Variants in RIF1 observed in about 807,000 individuals in gnomAD.
The protein encoded by RIF1 is replication timing regulatory factor 1.
Under a neutral mutation model 247.1 loss-of-function variants are expected in RIF1, and 45 were observed. That is an observed-to-expected ratio of 0.18 (90% CI 0.14 to 0.23). The LOEUF (loss-of-function observed/expected upper bound fraction) is 0.23, where lower values mean the gene tolerates loss of function less well. RIF1 is among the 10% of genes least tolerant of loss of function. The pLI is 1.00. For synonymous variants in RIF1, 1,087 were observed against 978.8 expected, an observed-to-expected ratio of 1.11 and a Z score of -2.06; for missense variants, 2,967 against 2,862.5, an observed-to-expected ratio of 1.04 and a Z score of -0.83.
intron 21 of RIF1, among the ~76,000 whole-genome samples, chr2:151,453,941 G>A (rs1215040525): frequency 6.6e-6 from 1 of 152,068 alleles, no homozygotes; most frequent in Non-Finnish European, 1.5e-5. Flanking sequence ...TGAGAAACCT[G>A]GTTTTCATTA....
At chr2:151,417,649 C>T (rs1257516477) in intron 6 of RIF1, among the ~76,000 whole-genome samples, 3 of 152,160 alleles carry the variant, frequency 2.0e-5, no homozygotes, top group South Asian at 2.1e-4. Context: ...CAACTACTTA[C>T]TTAGCACTTA....
Position 151,464,420 on chromosome 2 carries a change from A to G in RIF1, c.4900A>G (p.Thr1634Ala), listed in dbSNP as rs1386912104. The G allele has an allele frequency of 3.1e-6, 5 of 1,613,476 alleles. No homozygotes were observed. In the African/African-American group the frequency reaches 5.3e-5, roughly 17 times the overall value. ...ESNTVICQDS[T>A]VTSDLLQVPD... ...TAATACTGTAATATGTCAGGATTCT[A>G]CAGTAACTTCAGATTTGTTGCAAGT... The change falls in exon 30 of 36, where the codon ACA becomes GCA. Residue 1634 changes from threonine to alanine, a missense_variant. By Grantham distance (58) the Thr-to-Ala change is moderately conservative. Coordinates refer to ENST00000444746, the MANE Select transcript of RIF1 (RefSeq NM_018151.5).
Position 151,477,939 on chromosome 2 carries a change from AC to A in RIF1, c.*2870del, listed in dbSNP as rs1349685571. ...CAGCCAGGCTGGTCTCAAACTTCTG[AC>A]CTCAGATATCCACCTGCCTCAGCCT... is the stretch of plus-strand genomic sequence containing the variant. On this transcript the variant is annotated 3_prime_UTR_variant, in exon 36 of 36. Transcript: ENST00000444746. The A allele has an allele frequency of 6.6e-6, 1 of 150,526 alleles. No individual in the cohort carries two copies. Among genetic ancestry groups the A allele is most frequent in the African/African-American group, 2.5e-5 (1 of 40,712 alleles). The allele number at this position is 150,526 out of a possible 1,614,324, so 9.3% of individuals were successfully genotyped here. A position where few individuals can be genotyped will look rare whatever the true frequency, so the allele number is the denominator to read the frequency against.
chr2:151,518,338 C>T, the RIF1 span: 1 of 1,607,788 alleles, frequency 6.2e-7, no homozygotes, highest in Non-Finnish European at 8.5e-7. Flanking sequence ...AATTCTGTGG[C>T]CTCTTTTAGG....
intron 13 of RIF1, among the ~76,000 whole-genome samples, chr2:151,437,673 A>G (rs1241554621): frequency 1.3e-5 from 2 of 152,238 alleles, no homozygotes; most frequent in African/African-American, 4.8e-5. Flanking sequence ...CCTGGGTGAT[A>G]GAGCAAGACT....
chr2:151,410,372 C>A, intron 1 of RIF1, 42 bp from the exon 2 acceptor site: 2 of 1,528,446 alleles, frequency 1.3e-6, no homozygotes, highest in Non-Finnish European at 1.8e-6. Flanking sequence ...GGGCTGTTTC[C>A]ATCGGTCACT....
intron 13 of RIF1, among the ~76,000 whole-genome samples, chr2:151,506,706 G>GTTGT (rs1475995249): frequency 6.6e-6 from 1 of 152,168 alleles, no homozygotes; most frequent in African/African-American, 2.4e-5. Context: ...TAAAAGTTAC[G>GTTGT]TTGTTAGCAG....
At chr2:151,483,757 A>G (rs1160535854), downstream of RIF1, among the ~76,000 whole-genome samples, 1 of 152,174 alleles carries the variant, frequency 6.6e-6, no homozygotes, top group South Asian at 2.1e-4. Context: ...CAGGAGGTCG[A>G]GTGGCCGGTG....
At chr2:151,500,782 A>G (rs1176547832) in intron 11 of RIF1, among the ~76,000 whole-genome samples, 3 of 151,926 alleles carry the variant, frequency 2.0e-5, no homozygotes, top group Non-Finnish European at 4.4e-5. Context: ...TATTTTTAGC[A>G]GAGATGGAAT....
chr2:151,485,634 A>G, downstream of RIF1: 4 of 903,768 alleles, frequency 4.4e-6, no homozygotes, highest in East Asian at 2.5e-5. Flanking sequence ...TGGTACTACC[A>G]TAAATCACAT....
intron 8 of RIF1, among the ~76,000 whole-genome samples, chr2:151,425,049 A>G (rs1051356493): frequency 2.0e-5 from 3 of 151,880 alleles, no homozygotes; most frequent in Non-Finnish European, 4.4e-5. Context: ...TTCCGCTTCC[A>G]TAATATCCTC....
At chr2:151,433,899 C>T (rs938824173) in intron 10 of RIF1, among the ~76,000 whole-genome samples, 2 of 151,950 alleles carry the variant, frequency 1.3e-5, no homozygotes, top group African/African-American at 2.4e-5. Flanking sequence ...CAGCCGGGCG[C>T]GGTGACTCAT....
chr2:151,440,682 C>T (rs1032168224), intron 15 of RIF1, among the ~76,000 whole-genome samples: 4 of 152,126 alleles, frequency 2.6e-5, no homozygotes, highest in Non-Finnish European at 4.4e-5. Flanking sequence ...TGTTCTGTAG[C>T]AGTATAGCAT....
intron 13 of RIF1, among the ~76,000 whole-genome samples, chr2:151,507,535 G>T (rs1003459748): frequency 2.6e-5 from 4 of 152,166 alleles, no homozygotes; most frequent in African/African-American, 7.2e-5. Flanking sequence ...AGAGATACTA[G>T]GAGAATCTGA....
At chr2:151,499,252 T>C (rs961178723) in intron 10 of RIF1, 1 of 1,051,022 alleles carries the variant, frequency 9.5e-7, no homozygotes, top group African/African-American at 1.6e-5. Flanking sequence ...TTAATCTTTT[T>C]AAACATTTTT....
intron 34 of RIF1, among the ~76,000 whole-genome samples, chr2:151,472,605 C>T (rs185316727): frequency 6.7e-4 from 102 of 152,232 alleles, no homozygotes; most frequent in African/African-American, 2.3e-3. Context: ...TGTCAAAGGC[C>T]TTTTCTGCAT....
intron 20 of RIF1, among the ~76,000 whole-genome samples, chr2:151,450,594 C>T (rs1054270558): frequency 2.0e-4 from 29 of 146,560 alleles, no homozygotes; most frequent in Non-Finnish European, 3.2e-4. Flanking sequence ...ATAATTCTTT[C>T]TTTTTTTTTT....
At chr2:151,424,842 TTTTTTTTTTTTTTTC>T (rs1480297875) in intron 8 of RIF1, among the ~76,000 whole-genome samples, 2 of 142,200 alleles carry the variant, frequency 1.4e-5, no homozygotes, top group South Asian at 2.4e-4. Context: ...TTTTTTTTTT[TTTTTTTTTTTTTTTC>T]CATATTTTTT....
Position 151,445,334 on chromosome 2 carries a change from T to A in RIF1, c.1987-4T>A. 6.6e-7 allele frequency: 1 copy of A among 1,507,092 alleles called. No homozygotes were observed. The highest frequency in any genetic ancestry group is 2.3e-5 in the East Asian group (1 of 44,328). The allele number at this position is 1,507,092 out of a possible 1,614,324, so 93.4% of individuals were successfully genotyped here. A position where few individuals can be genotyped will look rare whatever the true frequency, so the allele number is the denominator to read the frequency against. Reference sequence around the variant, plus strand: ...GTCTAACTTCATTATTTTTCTTGTTTTAGACCAATGAAGTAAATCAAGGTG... The same window carrying A: ...GTCTAACTTCATTATTTTTCTTGTTATAGACCAATGAAGTAAATCAAGGTG... On this transcript the variant is annotated splice_region_variant and splice_polypyrimidine_tract_variant and intron_variant, in intron 18 of 35. Coordinates refer to ENST00000444746, the MANE Select transcript of RIF1 (RefSeq NM_018151.5).
Sources: gnomAD v4.1 joint callset for allele counts (sites outside exome capture counted in the v4.1 genomes callset) on GRCh38, gnomAD v4.1.1 for gene constraint, MANE v1.5 for transcripts, NCBI Gene and HGNC (gene_info 2026-07-23, HGNC 2026-07-21) for gene names.